Variants in NAV2 observed in about 807,000 individuals in gnomAD.
The protein encoded by NAV2 is neuron navigator 2, also known as helicase, APC down-regulated 1.
A neutral mutation model predicts 223.2 loss-of-function variants in NAV2; 54 were observed. The ratio of observed to expected loss-of-function variants is 0.24; its 90% CI spans 0.19 to 0.30. The LOEUF (loss-of-function observed/expected upper bound fraction) is 0.30, where lower values mean the gene tolerates loss of function less well. Among genes scored for constraint, NAV2 ranks in the 10% least tolerant of loss-of-function variants. NAV2 has a pLI of 1.00. For synonymous variants in NAV2, 1,279 were observed against 1,239.3 expected (o/e 1.03, Z -0.67); for missense variants, 2,806 against 3,147.5 (o/e 0.89, Z 2.60).
intron 20 of NAV2, among the ~76,000 whole-genome samples, chr11:20,067,336 A>G (rs2153635331): frequency 6.6e-6 from 1 of 152,300 alleles, no homozygotes; most frequent in South Asian, 2.1e-4. Flanking sequence ...ATGGGGCAGA[A>G]TTAACCCAGG....
At chr11:19,678,808 G>C (rs1487534607) in intron 1 of NAV2, among the ~76,000 whole-genome samples, 2 of 152,190 alleles carry the variant, frequency 1.3e-5, no homozygotes, top group African/African-American at 2.4e-5. Flanking sequence ...TGTGAACAGA[G>C]AAGCAGATCT....
chr11:19,736,336 A>G lies in NAV2; in HGVS notation c.267+22374A>G, dbSNP rs144679599. Among the ~76,000 whole-genome samples, 370 of 152,342 alleles carry G rather than the reference A, an allele frequency of 2.4e-3. 1 individual carries two copies. Among genetic ancestry groups the G allele is most frequent in the Middle Eastern group, 6.8e-3 (2 of 294 alleles). On this transcript the variant is annotated intron_variant, in intron 1 of 37. Transcript: ENST00000349880. ...AAAACTAGAACTACGCACTGTCAGT[A>G]TGCCTTCTAGGCCCTCTTGTTGGGC...
At chr11:19,827,977 G>A (rs1468012229) in intron 1 of NAV2, among the ~76,000 whole-genome samples, 1 of 150,780 alleles carries the variant, frequency 6.6e-6, no homozygotes, top group Non-Finnish European at 1.5e-5. Context: ...GAAGGGGAGG[G>A]TGGGGAGGGA....
intron 1 of NAV2, among the ~76,000 whole-genome samples, chr11:19,406,390 C>T (rs1002378987): frequency 2.6e-5 from 4 of 152,122 alleles, no homozygotes; most frequent in African/African-American, 4.8e-5. Flanking sequence ...CCGCGCAGAA[C>T]GGCAAGATGC....
At chr11:19,687,738 CAT>C (rs375268494) in intron 1 of NAV2, among the ~76,000 whole-genome samples, 2,444 of 148,676 alleles carry the variant, frequency 0.016, 52 homozygotes, top group African/African-American at 0.056. Flanking sequence ...GATGTGTGTA[CAT>C]GTGTGTGTGC....
chr11:19,985,804 G>A (rs895848465), intron 11 of NAV2, among the ~76,000 whole-genome samples: 6 of 152,040 alleles, frequency 3.9e-5, no homozygotes, highest in South Asian at 4.1e-4. Context: ...TCGAACTCTC[G>A]AATTCAGGTG....
intron 8 of NAV2, among the ~76,000 whole-genome samples, chr11:19,941,329 A>G (rs773115150): frequency 3.9e-5 from 6 of 152,012 alleles, no homozygotes; most frequent in South Asian, 4.2e-4. Context: ...CTTTGGTGTC[A>G]AATCAAATGG....
At position 20,090,888 on chromosome 11, in the gene NAV2, A is replaced by C; in HGVS notation, c.5522A>C (p.Glu1841Ala). The change falls in exon 27 of 38, where the codon GAA (glutamate) becomes GCA (alanine). Residue 1841 changes from glutamate to alanine, a missense_variant. By Grantham distance (107) the Glu-to-Ala change is moderately radical. Around this residue, in one of 4 missense-constraint regions of NAV2, gnomAD observed 824 missense variants for 1,069.4 expected, o/e 0.77. Transcript: ENST00000349880. ...AGAATTTCAGAATGCATGGATAGTG[A>C]AGCTGAGACCGTCATGCAGCTCCGA... ...NSLISECMDS[E>A]AETVMQLRNE... The C allele has an allele frequency of 6.2e-7, 1 of 1,614,034 alleles. No homozygotes were observed. The highest frequency in any genetic ancestry group is 8.5e-7 in the Non-Finnish European group (1 of 1,179,948).
At chr11:19,833,596 T>C (rs1295465589) in intron 2 of NAV2, among the ~76,000 whole-genome samples, 1 of 152,254 alleles carries the variant, frequency 6.6e-6, no homozygotes. Flanking sequence ...TAGTTTTCTG[T>C]TGCTGTATAA....
intron 1 of NAV2, among the ~76,000 whole-genome samples, chr11:19,526,836 A>C (rs2043856710): frequency 6.6e-6 from 1 of 152,154 alleles, no homozygotes; most frequent in South Asian, 2.1e-4. Context: ...TGTTACACAA[A>C]GTCCATATCT....
chr11:19,966,626 G>T (rs1344799939), intron 10 of NAV2, among the ~76,000 whole-genome samples: 1 of 152,124 alleles, frequency 6.6e-6, no homozygotes, highest in Non-Finnish European at 1.5e-5. Flanking sequence ...GCATGAGTCT[G>T]CTCTGTCCAT....
chr11:19,853,113 CAG>C (rs1199963559), intron 3 of NAV2, among the ~76,000 whole-genome samples: 1 of 152,194 alleles, frequency 6.6e-6, no homozygotes, highest in African/African-American at 2.4e-5. Context: ...ATTATTAAAA[CAG>C]ATTGCTGGAC....
chr11:19,407,944 T>C (rs1849972099), intron 1 of NAV2, among the ~76,000 whole-genome samples: 1 of 152,180 alleles, frequency 6.6e-6, no homozygotes, highest in African/African-American at 2.4e-5. Flanking sequence ...AGACATTTCA[T>C]GACCTCAGGA....
At chr11:19,800,413 C>T (rs1045821267) in intron 1 of NAV2, among the ~76,000 whole-genome samples, 6 of 152,184 alleles carry the variant, frequency 3.9e-5, no homozygotes, top group African/African-American at 1.4e-4. Context: ...GTTTTCAAGT[C>T]TCTCATGGTT....
At chr11:19,360,722 G>C (rs1853886551) in intron 1 of NAV2, among the ~76,000 whole-genome samples, 1 of 152,144 alleles carries the variant, frequency 6.6e-6, no homozygotes, top group Non-Finnish European at 1.5e-5. Context: ...GAAAAACCTG[G>C]TAGAAAGGGG....
intron 4 of NAV2, among the ~76,000 whole-genome samples, chr11:19,877,310 C>T (rs1324354391): frequency 2.0e-5 from 3 of 151,968 alleles, no homozygotes; most frequent in African/African-American, 7.3e-5. Context: ...GACTTGATAA[C>T]TGTAAAAGGC....
intron 1 of NAV2, among the ~76,000 whole-genome samples, chr11:19,551,667 CTG>C (rs1478146982): frequency 6.6e-6 from 1 of 152,208 alleles, no homozygotes; most frequent in Non-Finnish European, 1.5e-5. Context: ...GAATAAGAAA[CTG>C]TGAAGAAATA....
At chr11:19,478,678 C>G (rs1011586450) in intron 1 of NAV2, among the ~76,000 whole-genome samples, 1 of 152,212 alleles carries the variant, frequency 6.6e-6, no homozygotes, top group Non-Finnish European at 1.5e-5. Context: ...AGACAAAAGC[C>G]TTCATCTTGC....
intron 1 of NAV2, among the ~76,000 whole-genome samples, chr11:19,668,635 G>A (rs2048495148): frequency 6.6e-6 from 1 of 151,434 alleles, no homozygotes; most frequent in Non-Finnish European, 1.5e-5. Flanking sequence ...TCAATCCAGG[G>A]TGGGGCACAC....
Sources: gnomAD v4.1 joint callset for allele counts (sites outside exome capture counted in the v4.1 genomes callset) on GRCh38, gnomAD v4.1.1 for gene constraint, gnomAD v4.1.1 regional missense constraint, MANE v1.5 for transcripts, NCBI Gene and HGNC (gene_info 2026-07-23, HGNC 2026-07-21) for gene names.